The following KIF2A variants were observed in gnomAD, a reference collection of about 807,000 sequenced individuals.
KIF2A encodes kinesin family member 2A, also known as kinesin-like protein KIF2A.
Under a neutral mutation model 100.2 loss-of-function variants are expected in KIF2A, and 22 were observed. That is an observed-to-expected ratio of 0.22 (90% CI 0.16 to 0.31). The LOEUF is 0.31. Ranked by LOEUF, KIF2A falls within the 10% of genes least tolerant of loss-of-function variation. KIF2A has a pLI of 1.00. For synonymous variants in KIF2A, 268 were observed against 285.9 expected, an observed-to-expected ratio of 0.94 and a Z score of 0.63; for missense variants, 495 against 898.7, an observed-to-expected ratio of 0.55 and a Z score of 5.74.
Position 62,306,339 on chromosome 5 carries a change from C to G in KIF2A, c.-134C>G, listed in dbSNP as rs1350213916. ...CAGCTGCTCCTTGCGGCCCCGCTTG[C>G]GTTCACGCTGTCGCCCGGGCCGGCG... On this transcript the variant is annotated 5_prime_UTR_variant, in exon 1 of 21. Transcript: ENST00000407818. The G allele has an allele frequency of 4.2e-6, 3 of 707,046 alleles. No homozygotes were observed. The highest frequency in any genetic ancestry group is 2.4e-5 in the Admixed American group (1 of 41,522). 43.8% of individuals were successfully genotyped at this position (707,046 alleles called of 1,614,324 possible).
At position 62,346,527 on chromosome 5, in the gene KIF2A, G is replaced by GC. The variant is rs576027895; in HGVS notation, c.65-601dup. Among the ~76,000 whole-genome samples the GC allele has an allele frequency of 3.7e-4, 56 of 152,222 alleles. 1 individual carries two copies. The highest frequency in any genetic ancestry group is 1.3e-3 in the African/African-American group (52 of 41,528). ...GCCCGAGGTGGGTGGATCACTCGAGGCCAGGATTTCGATACCAGCCTGCGC... is the reference window on the plus strand; with the variant it reads ...GCCCGAGGTGGGTGGATCACTCGAGGCCCAGGATTTCGATACCAGCCTGCGC... On this transcript the variant is annotated intron_variant, in intron 1 of 20. Transcript: ENST00000407818.
Position 62,381,098 on chromosome 5 carries a change from T to C in KIF2A, c.2014-20T>C, listed in dbSNP as rs770864394. The C allele has an allele frequency of 1.9e-6, 3 of 1,594,134 alleles. No individual in the cohort carries two copies. The highest frequency in any genetic ancestry group is 3.4e-5 in the Admixed American group (2 of 57,998). ...TTGCACAAAGATGCTTATTGGATTA[T>C]CGAATTTTTGTCCTTGTAGGAATCT... On this transcript the variant is annotated intron_variant, in intron 19 of 20. Coordinates refer to ENST00000407818, the MANE Select transcript of KIF2A (RefSeq NM_001098511.3).
At chr5:62,316,398 G>T (rs368385047) in intron 1 of KIF2A, among the ~76,000 whole-genome samples, 1 of 152,018 alleles carries the variant, frequency 6.6e-6, no homozygotes, top group Non-Finnish European at 1.5e-5. Flanking sequence ...CTTACTTTTG[G>T]CCTATTTTTT....
intron 1 of KIF2A, among the ~76,000 whole-genome samples, chr5:62,316,049 A>G (rs549926301): frequency 1.8e-4 from 28 of 152,346 alleles, no homozygotes; most frequent in African/African-American, 6.7e-4. Context: ...GTTCAAGAAT[A>G]CAGTGTAGAG....
Position 62,363,818 on chromosome 5 carries a change from A to G in KIF2A, c.1386A>G (p.Glu462=). ...CTCTCATTGATTTGGCTGGAAATGA[A>G]AGAGGAGCTGATACTTCCAGTGCGG... ...KFSLIDLAGN[E]RGADTSSADR... Residue 462 remains glutamate, a synonymous_variant, in exon 14 of 21, where the codon GAA becomes GAG. Coordinates refer to ENST00000407818, the MANE Select transcript of KIF2A (RefSeq NM_001098511.3). The G allele has an allele frequency of 6.2e-7, 1 of 1,613,948 alleles. No individual in the cohort carries two copies. The highest frequency in any genetic ancestry group is 1.3e-5 in the African/African-American group (1 of 75,056).
In KIF2A at chr5:62,306,483, C is replaced by T; in HGVS notation, c.11C>T (p.Ala4Val). The T allele has an allele frequency of 6.5e-7, 1 of 1,545,378 alleles. No homozygotes were observed. Among genetic ancestry groups the T allele is most frequent in the Non-Finnish European group, 8.7e-7 (1 of 1,144,706 alleles). MAT[A>V]NFGKIQIGIY... is the part of the protein sequence containing the mutation. ...GCTCCAGATGAGGTGATGGCAACGG[C>T]CAACTTCGGCAAGATCCAGATCGGG... Residue 4 changes from alanine to valine, a missense_variant, in exon 1 of 21, where the codon GCC becomes GTC. Around this residue, in one of 10 missense-constraint regions of KIF2A, gnomAD observed 26 missense variants for 16.4 expected, o/e 1.59. Coordinates refer to ENST00000407818, the MANE Select transcript of KIF2A (RefSeq NM_001098511.3).
intron 1 of KIF2A, among the ~76,000 whole-genome samples, chr5:62,346,644 GCACAAGAAT>G (rs1747585713): frequency 6.6e-6 from 1 of 152,124 alleles, no homozygotes; most frequent in South Asian, 2.1e-4. Context: ...GGAGGCTGAG[GCACAAGAAT>G]CACTTGAACC....
In KIF2A at chr5:62,388,873, G is replaced by T; in HGVS notation, c.*3304G>T. 2.7e-6 allele frequency: 2 copies of T among 742,854 alleles called. No individual in the cohort carries two copies. The highest frequency in any genetic ancestry group is 1.7e-5 in the South Asian group (1 of 58,570). The allele number at this position is 742,854 out of a possible 1,614,324, so 46.0% of individuals were successfully genotyped here. On this transcript the variant is annotated 3_prime_UTR_variant, in exon 21 of 21. Transcript: ENST00000407818. ...TTTAAAATTCAGAATCATAAATGGTGACAACAGTAGTAGTATTGAACCAAA... is the reference window on the plus strand; with the variant it reads ...TTTAAAATTCAGAATCATAAATGGTTACAACAGTAGTAGTATTGAACCAAA...
intron 16 of KIF2A, among the ~76,000 whole-genome samples, chr5:62,368,094 C>T (rs537599075): frequency 9.2e-5 from 14 of 152,108 alleles, no homozygotes; most frequent in Admixed American, 8.5e-4. Flanking sequence ...ATAATGGATA[C>T]TTATAAAGTA....
chr5:62,360,031 G>A (rs1389742914), intron 9 of KIF2A, among the ~76,000 whole-genome samples: 20 of 149,974 alleles, frequency 1.3e-4, no homozygotes, highest in South Asian at 4.3e-4. Flanking sequence ...TGCTCTTGTC[G>A]CCCAGGCTGG....
At chr5:62,382,892 G>C (rs1741840486) in intron 20 of KIF2A, among the ~76,000 whole-genome samples, 1 of 150,476 alleles carries the variant, frequency 6.6e-6, no homozygotes, top group African/African-American at 2.4e-5. Context: ...CTCCCAAAGT[G>C]CTGGGATTAC....
At chr5:62,373,993 C>G (rs1741431290) in intron 18 of KIF2A, among the ~76,000 whole-genome samples, 156 bp downstream of exon 18, 1 of 152,160 alleles carries the variant, frequency 6.6e-6, no homozygotes, top group South Asian at 2.1e-4. Context: ...GAGAGGACTG[C>G]TTGAGGCCAG....
At chr5:62,339,727 A>T (rs1747183044) in intron 1 of KIF2A, among the ~76,000 whole-genome samples, 1 of 150,966 alleles carries the variant, frequency 6.6e-6, no homozygotes, top group South Asian at 2.1e-4. Flanking sequence ...TACATTTTAT[A>T]TATACAACAT....
intron 20 of KIF2A, among the ~76,000 whole-genome samples, chr5:62,382,420 AAC>A (rs1319747770): frequency 1.3e-5 from 2 of 152,182 alleles, no homozygotes; most frequent in African/African-American, 2.4e-5. Context: ...TGGTTTGGGC[AAC>A]ACAGTGAGAT....
chr5:62,332,982 A>G (rs1358816605), intron 1 of KIF2A, among the ~76,000 whole-genome samples: 1 of 152,222 alleles, frequency 6.6e-6, no homozygotes, highest in Non-Finnish European at 1.5e-5. Flanking sequence ...CTGTGTTAGT[A>G]AATGGCTCAT....
At chr5:62,338,886 C>T (rs979831166) in intron 1 of KIF2A, among the ~76,000 whole-genome samples, 1 of 152,112 alleles carries the variant, frequency 6.6e-6, no homozygotes. Flanking sequence ...CAAGTCAGTA[C>T]TCAAAAGGCC....
At position 62,306,317 on chromosome 5, in the gene KIF2A, C is replaced by T. The variant is rs1464157725; in HGVS notation, c.-156C>T. ...GGGGCCTCCGCCTGCTTCCCCACAG[C>T]TGCTCCTTGCGGCCCCGCTTGCGTT... On this transcript the variant is annotated 5_prime_UTR_variant, in exon 1 of 21. Coordinates refer to ENST00000407818, the MANE Select transcript of KIF2A (RefSeq NM_001098511.3). 3.2e-6 allele frequency: 2 copies of T among 633,514 alleles called. No individual in the cohort carries two copies. The highest frequency in any genetic ancestry group is 5.6e-6 in the Non-Finnish European group (2 of 357,256). The allele number at this position is 633,514 out of a possible 1,614,324, so 39.2% of individuals were successfully genotyped here. A position where few individuals can be genotyped will look rare whatever the true frequency, so the allele number is the denominator to read the frequency against.
chr5:62,325,535 GA>G (rs1302065666), intron 1 of KIF2A, among the ~76,000 whole-genome samples: 2 of 152,068 alleles, frequency 1.3e-5, no homozygotes, highest in Non-Finnish European at 2.9e-5. Flanking sequence ...ACAGGTATAT[GA>G]AAAAATGCTC....
intron 1 of KIF2A, among the ~76,000 whole-genome samples, chr5:62,336,169 G>A (rs959512754): frequency 3.9e-5 from 6 of 152,212 alleles, no homozygotes; most frequent in Non-Finnish European, 5.9e-5. Context: ...GATGGATGAG[G>A]CTGAAGCAGG....
Sources: allele counts gnomAD v4.1 joint callset (sites outside exome capture counted in the v4.1 genomes callset), GRCh38; gene constraint gnomAD v4.1.1; regional missense constraint gnomAD v4.1.1; transcripts MANE v1.5; gene names NCBI Gene and HGNC (gene_info 2026-07-23, HGNC 2026-07-21).